The following KLHL29 variants were observed in gnomAD, a reference collection of about 807,000 sequenced individuals.
KLHL29 encodes kelch like family member 29, also known as kelch-like protein 29.
A neutral mutation model predicts 80.4 loss-of-function variants in KLHL29; 21 were observed. That is an observed-to-expected ratio of 0.26 (90% CI 0.19 to 0.38). The LOEUF (loss-of-function observed/expected upper bound fraction) is 0.38. Among genes scored for constraint, KLHL29 ranks in the 10% least tolerant of loss-of-function variants. The pLI is 1.00. For synonymous variants in KLHL29, 511 were observed against 526.8 expected (o/e 0.97, Z 0.41); for missense variants, 867 against 1,223.9 (o/e 0.71, Z 4.35).
intron 3 of KLHL29, among the ~76,000 whole-genome samples, chr2:23,622,369 C>G (rs1406332532): frequency 6.6e-6 from 1 of 152,220 alleles, no homozygotes; most frequent in Non-Finnish European, 1.5e-5. Context: ...GGATAGGCCA[C>G]CACCATCCCG....
chr2:23,628,842 G>A (rs921353187), intron 3 of KLHL29, among the ~76,000 whole-genome samples: 1 of 152,124 alleles, frequency 6.6e-6, no homozygotes, highest in African/African-American at 2.4e-5. Flanking sequence ...AGAAATGGGC[G>A]TTGTGTGATG....
chr2:23,521,317 C>A (rs1447229726), intron 2 of KLHL29, among the ~76,000 whole-genome samples: 1 of 152,230 alleles, frequency 6.6e-6, no homozygotes, highest in Non-Finnish European at 1.5e-5. Flanking sequence ...GGGACTCCTA[C>A]ATGGCACCCT....
chr2:23,430,606 G>A (rs533225088), intron 1 of KLHL29, among the ~76,000 whole-genome samples: 4 of 152,156 alleles, frequency 2.6e-5, no homozygotes, highest in East Asian at 1.9e-4. Context: ...GCCCAGTGCC[G>A]TTCAGTTACA....
chr2:23,641,565 C>CG (rs1469207016), intron 4 of KLHL29, among the ~76,000 whole-genome samples: 1 of 121,378 alleles, frequency 8.2e-6, no homozygotes, highest in East Asian at 2.4e-4. Context: ...GCATTCACCA[C>CG]ATGCCAGACA....
At chr2:23,484,601 C>T (rs564107387) in intron 2 of KLHL29, among the ~76,000 whole-genome samples, 10 of 152,318 alleles carry the variant, frequency 6.6e-5, no homozygotes, top group African/African-American at 9.6e-5. Flanking sequence ...GGGATGGCCC[C>T]GCCAGCCAGA....
intron 1 of KLHL29, among the ~76,000 whole-genome samples, chr2:23,452,688 CTT>C (rs1305006790): frequency 6.6e-6 from 1 of 152,182 alleles, no homozygotes; most frequent in African/African-American, 2.4e-5. Context: ...AGAAGTATCT[CTT>C]ATATACTGAT....
chr2:23,620,624 G>A (rs547207217), intron 3 of KLHL29, among the ~76,000 whole-genome samples: 10 of 152,078 alleles, frequency 6.6e-5, no homozygotes, highest in Non-Finnish European at 1.0e-4. Context: ...AGGCCAGTCC[G>A]GGACACACAG....
chr2:23,683,686 G>A (rs1165780079), intron 5 of KLHL29, among the ~76,000 whole-genome samples: 1 of 152,244 alleles, frequency 6.6e-6, no homozygotes, highest in East Asian at 1.9e-4. Context: ...GGGCTGTAAA[G>A]CAGGCTCTGC....
chr2:23,547,188 G>A (rs1026339444), intron 2 of KLHL29, among the ~76,000 whole-genome samples: 6 of 152,148 alleles, frequency 3.9e-5, no homozygotes, highest in African/African-American at 1.2e-4. Flanking sequence ...TCCCAGCCCC[G>A]CTCCCTGGCC....
chr2:23,606,823 C>G (rs1247685742), intron 3 of KLHL29, among the ~76,000 whole-genome samples: 2 of 152,208 alleles, frequency 1.3e-5, no homozygotes, highest in Non-Finnish European at 2.9e-5. Flanking sequence ...TAGGGCTTAT[C>G]TTAGCCCATT....
chr2:23,441,945 C>G (rs991460979), intron 1 of KLHL29, among the ~76,000 whole-genome samples: 2 of 152,150 alleles, frequency 1.3e-5, no homozygotes, highest in Non-Finnish European at 2.9e-5. Flanking sequence ...GCATAATGGT[C>G]TCCCAAAGAT....
intron 2 of KLHL29, among the ~76,000 whole-genome samples, chr2:23,524,641 G>C (rs1013446326): frequency 6.6e-6 from 1 of 152,226 alleles, no homozygotes; most frequent in Non-Finnish European, 1.5e-5. Context: ...AGGTGGTTGA[G>C]AGGACACCTC....
intron 1 of KLHL29, among the ~76,000 whole-genome samples, chr2:23,462,159 C>T (rs1340811021): frequency 6.6e-6 from 1 of 151,952 alleles, no homozygotes; most frequent in African/African-American, 2.4e-5. Flanking sequence ...CAGCAGCACT[C>T]CTCCCATTTG....
At chr2:23,387,620 C>T (rs978370315) in intron 1 of KLHL29, among the ~76,000 whole-genome samples, 2 of 151,102 alleles carry the variant, frequency 1.3e-5, no homozygotes, top group East Asian at 1.9e-4. Context: ...TTGTTCTTTC[C>T]GACACTTAGA....
intron 3 of KLHL29, among the ~76,000 whole-genome samples, chr2:23,613,227 G>C (rs907368359): frequency 1.3e-5 from 2 of 152,156 alleles, no homozygotes; most frequent in African/African-American, 4.8e-5. Context: ...GAATACATCA[G>C]TAATTACATC....
chr2:23,537,696 A>T (rs1004844008), intron 2 of KLHL29, among the ~76,000 whole-genome samples: 3 of 152,142 alleles, frequency 2.0e-5, no homozygotes, highest in African/African-American at 7.2e-5. Context: ...CTTTGCTGAG[A>T]TGTGGGGCAT....
chr2:23,691,371 C>T, intron 6 of KLHL29: 1 of 427,320 alleles, frequency 2.3e-6, no homozygotes, highest in South Asian at 2.2e-5. Context: ...GTATTGTTTC[C>T]CTTTGAGGCC....
rs115847375 is a variant in KLHL29 at position 23,528,641 on chromosome 2, G to A, written c.-45-33511G>A. Among the ~76,000 whole-genome samples, 928 of 152,290 alleles carry A rather than the reference G, an allele frequency of 6.1e-3. 8 individuals are homozygous for A. Among genetic ancestry groups the A allele is most frequent in the African/African-American group, 0.021 (864 of 41,560 alleles). On this transcript the variant is annotated intron_variant, in intron 2 of 13. Coordinates refer to ENST00000486442, the MANE Select transcript of KLHL29 (RefSeq NM_052920.2). The stretch of plus-strand genomic sequence containing the variant: ...TCCAAGTCCTTTGATCAATAAAGCA[G>A]GAAACTGATTAGACTGTGAAATTAA...
At position 23,706,728 on chromosome 2, in the gene KLHL29, T is replaced by C; in HGVS notation, c.*64T>C. The C allele has an allele frequency of 2.4e-6, 3 of 1,265,458 alleles. No individual in the cohort carries two copies. Among genetic ancestry groups the C allele is most frequent in the Non-Finnish European group, 3.1e-6 (3 of 956,906 alleles). The allele number at this position is 1,265,458 out of a possible 1,614,324, so 78.4% of individuals were successfully genotyped here. A position where few individuals can be genotyped will look rare whatever the true frequency, so the allele number is the denominator to read the frequency against. Reference sequence around the variant, plus strand: ...TGGTGAGGCAAGTGCCACGCAATGATAATTTTCCAGCGACACCAACAAGAG... The same window carrying C: ...TGGTGAGGCAAGTGCCACGCAATGACAATTTTCCAGCGACACCAACAAGAG... On this transcript the variant is annotated 3_prime_UTR_variant, in exon 14 of 14. Coordinates refer to ENST00000486442, the MANE Select transcript of KLHL29 (RefSeq NM_052920.2).
Sources: allele counts gnomAD v4.1 joint callset (sites outside exome capture counted in the v4.1 genomes callset), GRCh38; gene constraint gnomAD v4.1.1; transcripts MANE v1.5; gene names NCBI Gene and HGNC (gene_info 2026-07-23, HGNC 2026-07-21).